The following GULP1 variants were observed in gnomAD, a reference collection of about 807,000 sequenced individuals.
GULP1 encodes the protein GULP PTB domain containing engulfment adaptor 1.
In GULP1, 19 loss-of-function variants were observed where a neutral mutation model predicts 40.9. The observed-to-expected ratio is 0.46, with a 90% CI of 0.32 to 0.68. GULP1 has a LOEUF of 0.68. GULP1 is among the 30% of genes least tolerant of loss of function. The pLI is 0.03. For missense variants in GULP1, 312 were observed against 362.2 expected (o/e 0.86, Z 1.12); for synonymous variants, 119 against 117.6 (o/e 1.01, Z -0.08).
intron 1 of GULP1, among the ~76,000 whole-genome samples, chr2:188,334,818 C>G (rs972019973): frequency 6.6e-6 from 1 of 152,176 alleles, no homozygotes; most frequent in African/African-American, 2.4e-5. Flanking sequence ...ATAGAAAGGT[C>G]AATACCTTTC....
rs532468085 is a variant in GULP1 at position 188,313,629 on chromosome 2, A to G, written c.-172+21463A>G. The stretch of plus-strand genomic sequence containing the variant: ...TTTGATTGACCATGAAATTTAAAGT[A>G]GTTTTTTCTAATTCTGTGAAGAATG... On this transcript the variant is annotated intron_variant, in intron 1 of 11. Coordinates refer to ENST00000409830, the MANE Select transcript of GULP1 (RefSeq NM_016315.4). 1.1e-4 allele frequency among the ~76,000 whole-genome samples: 16 copies of G among 148,122 alleles called. 1 individual carries two copies. Among genetic ancestry groups the G allele is most frequent in the South Asian group, 1.1e-3 (5 of 4,728 alleles).
chr2:188,514,763 T>A (rs998280406), intron 4 of GULP1, among the ~76,000 whole-genome samples: 3 of 152,216 alleles, frequency 2.0e-5, no homozygotes, highest in Admixed American at 6.5e-5. Flanking sequence ...AGACTGTCAA[T>A]GAAATATTCC....
In GULP1 at chr2:188,374,431, T is replaced by A. The variant is rs183047719; in HGVS notation, c.-171-9332T>A. Reference sequence around the variant, plus strand: ...ACTATAGTAGAAAGTTCTAGAGTGGTCCTTCAGGCCTGACTGAATCCAGGC... The same window carrying A: ...ACTATAGTAGAAAGTTCTAGAGTGGACCTTCAGGCCTGACTGAATCCAGGC... On this transcript the variant is annotated intron_variant, in intron 1 of 11. Transcript: ENST00000409830. Among the ~76,000 whole-genome samples, 17 of 152,252 alleles carry A rather than the reference T, an allele frequency of 1.1e-4. 1 individual carries two copies. The East Asian group carries it at 3.1e-3, about 28-fold the overall frequency.
At chr2:188,439,083 A>G (rs2057695646) in intron 2 of GULP1, among the ~76,000 whole-genome samples, 1 of 152,068 alleles carries the variant, frequency 6.6e-6, no homozygotes, top group South Asian at 2.1e-4. Flanking sequence ...TCTTTTTCTT[A>G]TTTCCAGGAG....
intron 7 of GULP1, among the ~76,000 whole-genome samples, chr2:188,551,284 A>G (rs891889007): frequency 1.3e-5 from 2 of 151,500 alleles, no homozygotes; most frequent in South Asian, 2.1e-4. Flanking sequence ...CTCTAACTGT[A>G]TGTTTGTACC....
intron 11 of GULP1, chr2:188,593,437 A>G (rs1176966629): frequency 6.6e-6 from 1 of 152,156 alleles, no homozygotes; most frequent in South Asian, 2.1e-4. Flanking sequence ...ATGGCAAAGT[A>G]ATCTGCAGTT....
chr2:188,395,761 C>T (rs2051163202), intron 2 of GULP1, among the ~76,000 whole-genome samples: 1 of 152,138 alleles, frequency 6.6e-6, no homozygotes, highest in Non-Finnish European at 1.5e-5. Flanking sequence ...AATGGGGCTG[C>T]CACACTCTAG....
chr2:188,378,532 A>G (rs1157702869), intron 1 of GULP1, among the ~76,000 whole-genome samples: 1 of 152,204 alleles, frequency 6.6e-6, no homozygotes, highest in Non-Finnish European at 1.5e-5. Context: ...TGCAAGCTAT[A>G]TACGACACAT....
At chr2:188,563,309 G>C (rs1322772967) in intron 7 of GULP1, among the ~76,000 whole-genome samples, 1 of 151,628 alleles carries the variant, frequency 6.6e-6, no homozygotes, top group African/African-American at 2.4e-5. Flanking sequence ...GCCAATACTA[G>C]AAATAGTGGA....
chr2:188,451,781 A>C (rs548759117), intron 2 of GULP1, among the ~76,000 whole-genome samples: 1 of 152,272 alleles, frequency 6.6e-6, no homozygotes, highest in Admixed American at 6.5e-5. Flanking sequence ...GGAAAATAAA[A>C]AAGAATACAT....
intron 4 of GULP1, among the ~76,000 whole-genome samples, chr2:188,496,236 C>G (rs2153118451): frequency 6.6e-6 from 1 of 152,086 alleles, no homozygotes; most frequent in African/African-American, 2.4e-5. Context: ...TTTAGTTGAT[C>G]CCTAGCTATA....
intron 4 of GULP1, among the ~76,000 whole-genome samples, chr2:188,517,000 C>G (rs1305034299): frequency 6.6e-6 from 1 of 152,150 alleles, no homozygotes; most frequent in Non-Finnish European, 1.5e-5. Context: ...TGACTTCCAC[C>G]AGTTCTAAGT....
chr2:188,485,216 T>G (rs2061761581), intron 4 of GULP1, among the ~76,000 whole-genome samples: 1 of 152,084 alleles, frequency 6.6e-6, no homozygotes, highest in Non-Finnish European at 1.5e-5. Context: ...ATATTATAAT[T>G]AGATCTACCT....
intron 1 of GULP1, among the ~76,000 whole-genome samples, chr2:188,356,001 C>T (rs1191947649): frequency 6.6e-6 from 1 of 152,016 alleles, no homozygotes; most frequent in African/African-American, 2.4e-5. Context: ...ATAATAAAAA[C>T]TCTCAACAAA....
At chr2:188,458,767 C>A (rs2059473647) in intron 2 of GULP1, among the ~76,000 whole-genome samples, 4 of 151,980 alleles carry the variant, frequency 2.6e-5, no homozygotes, top group Admixed American at 2.6e-4. Flanking sequence ...AATGGTAGGT[C>A]TTATTCATTC....
intron 2 of GULP1, among the ~76,000 whole-genome samples, chr2:188,396,351 G>A (rs2051270613): frequency 6.6e-6 from 1 of 152,216 alleles, no homozygotes; most frequent in Non-Finnish European, 1.5e-5. Flanking sequence ...GGGCTCCTGT[G>A]AGGGCCCAGG....
At chr2:188,367,107 C>A (rs1198429263) in intron 1 of GULP1, among the ~76,000 whole-genome samples, 2 of 152,106 alleles carry the variant, frequency 1.3e-5, no homozygotes, top group African/African-American at 4.8e-5. Context: ...GCACAAATTC[C>A]TTGAGGGCAG....
intron 1 of GULP1, among the ~76,000 whole-genome samples, chr2:188,370,287 C>T (rs2047430235): frequency 6.6e-6 from 1 of 152,288 alleles, no homozygotes; most frequent in African/African-American, 2.4e-5. Context: ...CCAGTTTGAG[C>T]ATAGTGAGAA....
intron 4 of GULP1, among the ~76,000 whole-genome samples, chr2:188,494,037 C>A (rs2062664498): frequency 6.6e-6 from 1 of 151,998 alleles, no homozygotes; most frequent in Non-Finnish European, 1.5e-5. Flanking sequence ...TGTGTTCATG[C>A]CAGCCAGTGA....
Sources: allele counts gnomAD v4.1 joint callset (sites outside exome capture counted in the v4.1 genomes callset), GRCh38; gene constraint gnomAD v4.1.1; transcripts MANE v1.5; gene names NCBI Gene and HGNC (gene_info 2026-07-23, HGNC 2026-07-21).